RPS6KC1: variants seen among roughly 807,000 people sequenced by gnomAD.
RPS6KC1 encodes ribosomal protein S6 kinase C1, also known as inactive ribosomal protein S6 kinase delta-1.
Under a neutral mutation model 103.8 loss-of-function variants are expected in RPS6KC1, and 54 were observed. The ratio of observed to expected loss-of-function variants is 0.52; its 90% CI spans 0.42 to 0.65. The LOEUF (loss-of-function observed/expected upper bound fraction) is 0.65, where lower values mean the gene tolerates loss of function less well. Ranked by LOEUF, RPS6KC1 falls within the 30% of genes least tolerant of loss-of-function variation. The probability of loss-of-function intolerance (pLI) is 0.00; values close to 1 mark genes in which losing one functional copy is unlikely to be tolerated. For missense variants in RPS6KC1, 1,151 were observed against 1,253.8 expected (o/e 0.92, Z 1.24); for synonymous variants, 439 against 438.7 (o/e 1.00, Z -0.01).
At chr1:213,756,427 T>C in the RPS6KC1 span, among the ~76,000 whole-genome samples, 1 of 152,208 alleles carries the variant, frequency 6.6e-6, no homozygotes, top group Non-Finnish European at 1.5e-5. Context: ...TACCTTGTTT[T>C]ATTGTGCTTC....
chr1:213,196,183 G>A (rs2092940251), intron 8 of RPS6KC1, among the ~76,000 whole-genome samples: 1 of 152,062 alleles, frequency 6.6e-6, no homozygotes, highest in Non-Finnish European at 1.5e-5. Context: ...TCTTTCAGGA[G>A]TAAGGTGGTA....
chr1:213,174,824 T>A (rs80341199), intron 7 of RPS6KC1, among the ~76,000 whole-genome samples: 4 of 152,286 alleles, frequency 2.6e-5, no homozygotes, highest in South Asian at 2.1e-4. Context: ...CCGTTTTTTT[T>A]ATGGTACCTA....
chr1:213,674,948 G>A, the RPS6KC1 span, among the ~76,000 whole-genome samples: 1 of 152,172 alleles, frequency 6.6e-6, no homozygotes, highest in African/African-American at 2.4e-5. Context: ...TTTGAGAAGT[G>A]TCTGTTCGTG....
downstream of RPS6KC1, among the ~76,000 whole-genome samples, chr1:213,277,321 A>C (rs2095114237): frequency 6.6e-6 from 1 of 152,260 alleles, no homozygotes. Context: ...ATATGTAGTC[A>C]GATGGTTTGG....
At chr1:213,743,286 A>T in the RPS6KC1 span, among the ~76,000 whole-genome samples, 1 of 152,214 alleles carries the variant, frequency 6.6e-6, no homozygotes, top group Non-Finnish European at 1.5e-5. Flanking sequence ...TAGCACAGGA[A>T]TAGAAAACCA....
At chr1:213,527,623 G>A in the RPS6KC1 span, among the ~76,000 whole-genome samples, 1 of 151,950 alleles carries the variant, frequency 6.6e-6, no homozygotes. Flanking sequence ...TTCCCATTCT[G>A]CAAATCTTCA....
the RPS6KC1 span, among the ~76,000 whole-genome samples, chr1:213,593,565 G>A: frequency 2.0e-5 from 3 of 152,206 alleles, no homozygotes; most frequent in African/African-American, 7.2e-5. Context: ...GGCAATGATA[G>A]GTCCTAAACA....
intron 1 of RPS6KC1, among the ~76,000 whole-genome samples, chr1:213,064,323 T>G (rs1481579242): frequency 6.8e-6 from 1 of 146,690 alleles, no homozygotes; most frequent in African/African-American, 2.5e-5. Flanking sequence ...TCCCAAAGTG[T>G]TGGGATTATA....
the RPS6KC1 span, among the ~76,000 whole-genome samples, chr1:213,341,029 G>C: frequency 6.6e-6 from 1 of 152,226 alleles, no homozygotes; most frequent in South Asian, 2.1e-4. Context: ...TTTCCTCATT[G>C]TATCAAATGG....
At chr1:213,808,720 C>T in the RPS6KC1 span, among the ~76,000 whole-genome samples, 2 of 152,238 alleles carry the variant, frequency 1.3e-5, no homozygotes, top group East Asian at 3.9e-4. Context: ...CTCCCTGACC[C>T]CTTGTGCTTC....
At chr1:213,083,112 G>C (rs924548090) in intron 3 of RPS6KC1, among the ~76,000 whole-genome samples, 13 of 152,112 alleles carry the variant, frequency 8.5e-5, no homozygotes, top group Non-Finnish European at 1.6e-4. Context: ...AATTATATAT[G>C]CAGAAACATT....
Position 213,219,112 on chromosome 1 carries a change from A to G in RPS6KC1, c.1045-11385A>G, listed in dbSNP as rs562412744. 5.3e-5 allele frequency among the ~76,000 whole-genome samples: 8 copies of G among 152,370 alleles called. No individual in the cohort carries two copies. In the South Asian group the frequency reaches 8.3e-4, roughly 16 times the overall value. ...GGGAGAAAATTTCTGCAATCTACTT[A>G]TCTGACAAAGGGCTAATATCCAGAA... On this transcript the variant is annotated intron_variant, in intron 8 of 14. Transcript: ENST00000366960.
the RPS6KC1 span, among the ~76,000 whole-genome samples, chr1:213,610,555 A>G: frequency 2.0e-5 from 3 of 152,152 alleles, no homozygotes; most frequent in African/African-American, 7.2e-5. Flanking sequence ...ACCCCTGGCC[A>G]TCTTAGGGCT....
chr1:213,540,842 T>C, the RPS6KC1 span, among the ~76,000 whole-genome samples: 2 of 152,168 alleles, frequency 1.3e-5, no homozygotes, highest in Non-Finnish European at 2.9e-5. Flanking sequence ...ATATTCTATA[T>C]CCTTTTTTGT....
intron 6 of RPS6KC1, among the ~76,000 whole-genome samples, chr1:213,149,795 A>G (rs756974392): frequency 6.6e-6 from 1 of 152,230 alleles, no homozygotes; most frequent in Non-Finnish European, 1.5e-5. Flanking sequence ...GTTAGCACTA[A>G]TAATATTTGC....
the RPS6KC1 span, among the ~76,000 whole-genome samples, chr1:213,406,544 T>TA: frequency 5.9e-5 from 9 of 152,134 alleles, no homozygotes; most frequent in Non-Finnish European, 1.0e-4. Context: ...TGCTCGTGTG[T>TA]AAAGAGCTCC....
At chr1:213,773,391 G>T in the RPS6KC1 span, among the ~76,000 whole-genome samples, 27 of 150,142 alleles carry the variant, frequency 1.8e-4, no homozygotes, top group Non-Finnish European at 3.3e-4. Context: ...AGGGAGAATG[G>T]TTAGATATAT....
At chr1:213,578,827 G>A in the RPS6KC1 span, among the ~76,000 whole-genome samples, 2 of 152,086 alleles carry the variant, frequency 1.3e-5, no homozygotes, top group Non-Finnish European at 2.9e-5. Context: ...ACTTTGGACT[G>A]TGGACTTTTG....
chr1:213,732,042 G>T, the RPS6KC1 span, among the ~76,000 whole-genome samples: 1 of 152,018 alleles, frequency 6.6e-6, no homozygotes, highest in Non-Finnish European at 1.5e-5. Context: ...TTGTCTTATG[G>T]GGTGAGAGGC....
Sources: gnomAD v4.1 joint callset for allele counts (sites outside exome capture counted in the v4.1 genomes callset) on GRCh38, gnomAD v4.1.1 for gene constraint, MANE v1.5 for transcripts, NCBI Gene and HGNC (gene_info 2026-07-23, HGNC 2026-07-21) for gene names.